The following FBXO34 variants were observed in gnomAD, a reference collection of about 807,000 sequenced individuals.
FBXO34 encodes the protein F-box only protein 34.
A neutral mutation model predicts 24.5 loss-of-function variants in FBXO34; 12 were observed. The ratio of observed to expected loss-of-function variants is 0.49; its 90% confidence interval spans 0.31 to 0.79. The LOEUF (loss-of-function observed/expected upper bound fraction) is 0.79, where lower values mean the gene tolerates loss of function less well. FBXO34 is among the 30% of genes least tolerant of loss of function. FBXO34 has a pLI of 0.04. For missense variants in FBXO34, 823 were observed against 857.7 expected, an observed-to-expected ratio of 0.96 and a Z score of 0.51; for synonymous variants, 320 against 311.9, an observed-to-expected ratio of 1.03 and a Z score of -0.27.
intron 1 of FBXO34, among the ~76,000 whole-genome samples, chr14:55,321,429 C>T (rs918203774): frequency 1.5e-4 from 22 of 150,330 alleles, no homozygotes; most frequent in African/African-American, 5.4e-4. Flanking sequence ...TTTTTGGAGA[C>T]AGGGTCTCCC....
the FBXO34 span, among the ~76,000 whole-genome samples, chr14:55,400,700 C>T: frequency 1.3e-5 from 2 of 152,014 alleles, no homozygotes; most frequent in South Asian, 2.1e-4. Flanking sequence ...GTCAGGAGTT[C>T]GAGACCAGCC....
the FBXO34 span, among the ~76,000 whole-genome samples, chr14:55,408,133 C>T: frequency 3.9e-5 from 6 of 152,112 alleles, no homozygotes; most frequent in African/African-American, 1.4e-4. Context: ...CTGCCATTTA[C>T]AAAATGAAAT....
intron 1 of FBXO34, among the ~76,000 whole-genome samples, chr14:55,278,632 A>G (rs1881425233): frequency 6.6e-6 from 1 of 152,244 alleles, no homozygotes; most frequent in Non-Finnish European, 1.5e-5. Context: ...TACTGTACAA[A>G]GAAAACTAGT....
At chr14:55,355,538 C>A (rs1594770284), downstream of FBXO34, among the ~76,000 whole-genome samples, 1 of 152,332 alleles carries the variant, frequency 6.6e-6, no homozygotes, top group African/African-American at 2.4e-5. Context: ...AACATACACA[C>A]TTTTTTTCTT....
chr14:55,424,535 G>C, the FBXO34 span, among the ~76,000 whole-genome samples: 2 of 152,150 alleles, frequency 1.3e-5, no homozygotes, highest in Non-Finnish European at 2.9e-5. Context: ...TTAGTGTATT[G>C]AGAGCTTGTT....
the FBXO34 span, among the ~76,000 whole-genome samples, chr14:55,412,087 A>G: frequency 2.0e-5 from 3 of 152,260 alleles, no homozygotes; most frequent in South Asian, 2.1e-4. Context: ...ACTACGAGTT[A>G]AAGCCTCAAA....
At chr14:55,285,415 A>G (rs1882618261) in intron 1 of FBXO34, 1 of 152,314 alleles carries the variant, frequency 6.6e-6, no homozygotes, top group African/African-American at 2.4e-5. Flanking sequence ...GTCGAGGAAC[A>G]GCATGTTACC....
chr14:55,327,643 G>A (rs1401614716), intron 1 of FBXO34, among the ~76,000 whole-genome samples: 1 of 152,072 alleles, frequency 6.6e-6, no homozygotes, highest in Non-Finnish European at 1.5e-5. Context: ...ACTGGAAAGT[G>A]CATAGGGAAT....
At chr14:55,369,132 AC>A (rs1327889199), downstream of FBXO34, 1 of 152,756 alleles carries the variant, frequency 6.5e-6, no homozygotes, top group Non-Finnish European at 1.5e-5. Flanking sequence ...TGGTTCTCAT[AC>A]AAAAAACAAT....
chr14:55,337,435 T>C (rs547195954), intron 1 of FBXO34, among the ~76,000 whole-genome samples: 1 of 152,364 alleles, frequency 6.6e-6, no homozygotes, highest in Non-Finnish European at 1.5e-5. Flanking sequence ...CCAGCCTTAC[T>C]CTTTGATAAT....
rs1369665149 is a variant in FBXO34 at position 55,331,707 on chromosome 14, ATATATATATG to A, written c.-10-18664_-10-18655del. Among the ~76,000 whole-genome samples the A allele has an allele frequency of 3.3e-4, 22 of 65,930 alleles. 1 individual carries two copies. The highest frequency in any genetic ancestry group is 2.7e-3 in the African/African-American group (17 of 6,296). 43.3% of individuals were successfully genotyped at this position (65,930 alleles called of 152,430 possible). Reference sequence around the variant, plus strand: ...TATGTGTATATATATATATATATGTATATATATATGTATATATATATGTATATATATATGT... The same window carrying A: ...TATGTGTATATATATATATATATGTATATATATATATGTATATATATATGT... On this transcript the variant is annotated intron_variant, in intron 1 of 1. Coordinates refer to ENST00000313833, the MANE Select transcript of FBXO34 (RefSeq NM_017943.4).
the FBXO34 span, among the ~76,000 whole-genome samples, chr14:55,403,267 T>G: frequency 1.3e-5 from 2 of 152,094 alleles, no homozygotes; most frequent in Non-Finnish European, 2.9e-5. Flanking sequence ...GCTTTCCATT[T>G]CTTCACTGCA....
intron 1 of FBXO34, among the ~76,000 whole-genome samples, chr14:55,325,255 GTTAC>G (rs1333354076): frequency 6.6e-6 from 1 of 152,170 alleles, no homozygotes; most frequent in Non-Finnish European, 1.5e-5. Context: ...TTGGTTCTTA[GTTAC>G]TTTAGTGGAT....
the FBXO34 span, among the ~76,000 whole-genome samples, chr14:55,380,875 A>ATTTTTTTTTTTT: frequency 1.8e-5 from 2 of 112,732 alleles, no homozygotes; most frequent in Non-Finnish European, 1.7e-5. Flanking sequence ...ATATATATAT[A>ATTTTTTTTTTTT]TTTTTTTTTT....
At chr14:55,312,565 A>G (rs1182003681) in intron 1 of FBXO34, among the ~76,000 whole-genome samples, 2 of 152,188 alleles carry the variant, frequency 1.3e-5, no homozygotes, top group Non-Finnish European at 2.9e-5. Context: ...CCCTGCAGCA[A>G]ACTTCTGCCT....
chr14:55,274,479 T>A (rs13379398), intron 1 of FBXO34, among the ~76,000 whole-genome samples: 15,416 of 152,164 alleles, frequency 0.1, 2,159 homozygotes, highest in African/African-American at 0.32. Flanking sequence ...ATATAAATGG[T>A]TTTATGGAAA....
chr14:55,337,171 A>C (rs1309219007), intron 1 of FBXO34, among the ~76,000 whole-genome samples: 1 of 151,972 alleles, frequency 6.6e-6, no homozygotes, highest in Non-Finnish European at 1.5e-5. Flanking sequence ...ACAGGGTCTC[A>C]CCATGTTGCC....
chr14:55,308,186 A>G lies in FBXO34; in HGVS notation c.-11+36649A>G, dbSNP rs138161684. On this transcript the variant is annotated intron_variant, in intron 1 of 1. Coordinates refer to ENST00000313833, the MANE Select transcript of FBXO34 (RefSeq NM_017943.4). ...GGGTCAGAGAAAACAAGCATTTTGCATAGAATTGCAGGCATATATTTTATT... is the reference window on the plus strand; with the variant it reads ...GGGTCAGAGAAAACAAGCATTTTGCGTAGAATTGCAGGCATATATTTTATT... Among the ~76,000 whole-genome samples the G allele has an allele frequency of 2.6e-5, 4 of 152,364 alleles. No homozygotes were observed. In the East Asian group the frequency reaches 5.8e-4, roughly 22 times the overall value.
exon 4 of FBXO34, chr14:55,361,885 A>G (rs956861600): frequency 1.3e-5 from 2 of 152,194 alleles, no homozygotes; most frequent in African/African-American, 2.4e-5. Flanking sequence ...GGTTTCATCT[A>G]TCTAGACCAC....
Sources: gnomAD v4.1 joint callset for allele counts (sites outside exome capture counted in the v4.1 genomes callset) on GRCh38, gnomAD v4.1.1 for gene constraint, MANE v1.5 for transcripts, NCBI Gene and HGNC (gene_info 2026-07-23, HGNC 2026-07-21) for gene names.